The following BRF1 variants were observed in gnomAD, a reference collection of about 807,000 sequenced individuals.
BRF1 encodes the protein transcription factor IIIB 90 kDa subunit.
BRF1 carries 59 observed loss-of-function variants against 81.7 expected under a neutral mutation model. That is an observed-to-expected ratio of 0.72 (90% CI 0.59 to 0.90). BRF1 has a LOEUF of 0.90. Ranked by LOEUF, BRF1 falls within the 40% of genes least tolerant of loss-of-function variation. The probability of loss-of-function intolerance (pLI) is 0.00; values close to 1 mark genes in which losing one functional copy is unlikely to be tolerated. For missense variants in BRF1, 1,050 were observed against 936.3 expected (o/e 1.12, Z -1.58); for synonymous variants, 491 against 395.6 (o/e 1.24, Z -2.86).
intron 3 of BRF1, among the ~76,000 whole-genome samples, chr14:105,270,074 T>C (rs991266730): frequency 3.9e-5 from 6 of 152,098 alleles, no homozygotes; most frequent in African/African-American, 1.2e-4. Flanking sequence ...CGCCCTGCAG[T>C]GGGCTGCCTG....
chr14:105,304,752 G>A (rs2058133558), upstream of BRF1, among the ~76,000 whole-genome samples: 2 of 152,256 alleles, frequency 1.3e-5, no homozygotes, highest in South Asian at 2.1e-4. Flanking sequence ...ATGGAGGAAG[G>A]CAAGGAGGAG....
Position 105,221,962 on chromosome 14 carries a change from C to T in BRF1, c.1049-48G>A, listed in dbSNP as rs1462424137. ...TTAACCAGGCAGAGGGCCAGGGTGC[C>T]CGCTTTTGTGACAAAAAACAATGCT... On this transcript the variant is annotated intron_variant, in intron 10 of 17. Coordinates refer to ENST00000547530, the MANE Select transcript of BRF1 (RefSeq NM_001519.4). 4 of 1,505,784 alleles carry T rather than the reference C, an allele frequency of 2.7e-6. No homozygotes were observed. The South Asian group carries it at 3.9e-5, about 15-fold the overall frequency. 93.3% of individuals were successfully genotyped at this position (1,505,784 alleles called of 1,614,324 possible). A position where few individuals can be genotyped will look rare whatever the true frequency, so the allele number is the denominator to read the frequency against.
intron 3 of BRF1, among the ~76,000 whole-genome samples, chr14:105,261,728 T>C (rs948268858): frequency 6.6e-6 from 1 of 152,202 alleles, no homozygotes. Context: ...AAGGGCTGTG[T>C]CCACAACAGC....
At chr14:105,244,350 G>A (rs1298777237) in intron 5 of BRF1, among the ~76,000 whole-genome samples, 1 of 152,166 alleles carries the variant, frequency 6.6e-6, no homozygotes, top group South Asian at 2.1e-4. Context: ...AGGCTGAGGT[G>A]GGAGGATTGC....
At chr14:105,287,121 C>G (rs1248911273) in intron 1 of BRF1, among the ~76,000 whole-genome samples, 1 of 152,248 alleles carries the variant, frequency 6.6e-6, no homozygotes, top group South Asian at 2.1e-4. Flanking sequence ...GCTGGACACT[C>G]TACTCCGAAG....
At position 105,288,672 on chromosome 14, in the gene BRF1, C is replaced by A. The variant is rs587741034; in HGVS notation, c.185-2296G>T. On this transcript the variant is annotated intron_variant, in intron 1 of 17. Coordinates refer to ENST00000547530, the MANE Select transcript of BRF1 (RefSeq NM_001519.4). Reference sequence around the variant, plus strand: ...TTTTTGAAACAGAGTTTCGCTCTGTCACCCAGGCTGGAGTGCAGTGGCGTG... The same window carrying A: ...TTTTTGAAACAGAGTTTCGCTCTGTAACCCAGGCTGGAGTGCAGTGGCGTG... Among the ~76,000 whole-genome samples, 7 of 143,986 alleles carry A rather than the reference C, an allele frequency of 4.9e-5. No homozygotes were observed. In the South Asian group the frequency reaches 1.6e-3, roughly 34 times the overall value. The allele number at this position is 143,986 out of a possible 152,430, so 94.5% of individuals were successfully genotyped here.
intron 2 of BRF1, among the ~76,000 whole-genome samples, chr14:105,273,431 C>G (rs587638485): frequency 1.3e-5 from 2 of 152,206 alleles, no homozygotes; most frequent in Admixed American, 6.5e-5. Context: ...GCCAGGCTAG[C>G]GCCATCCCCT....
chr14:105,226,377 C>T (rs2141560122), intron 8 of BRF1, 87 bp from the exon 9 acceptor site: 1 of 1,568,370 alleles, frequency 6.4e-7, no homozygotes, highest in East Asian at 2.2e-5. Flanking sequence ...CCCCAGGGAC[C>T]ACAGGCTGCT....
chr14:105,249,866 G>A (rs1436248879), intron 5 of BRF1: 2 of 1,612,560 alleles, frequency 1.2e-6, no homozygotes, highest in Non-Finnish European at 1.7e-6. Context: ...GGCCGAGATG[G>A]CCCTACGGTC....
chr14:105,223,340 A>G (rs1191400192), intron 10 of BRF1, among the ~76,000 whole-genome samples: 3 of 109,574 alleles, frequency 2.7e-5, no homozygotes, highest in Non-Finnish European at 5.4e-5. Context: ...CAAACGTGCA[A>G]TGTCCTCTAA....
chr14:105,311,685 G>C (rs1473350136), intron 1 of BRF1, among the ~76,000 whole-genome samples: 4 of 152,148 alleles, frequency 2.6e-5, no homozygotes, highest in African/African-American at 9.7e-5. Context: ...CTCAGCAGTT[G>C]AGCTGCTCTA....
chr14:105,258,112 G>A (rs2055971243), intron 3 of BRF1, among the ~76,000 whole-genome samples: 1 of 152,210 alleles, frequency 6.6e-6, no homozygotes, highest in Non-Finnish European at 1.5e-5. Flanking sequence ...TAATAACATA[G>A]GGAAATTGGG....
At chr14:105,266,070 CA>C (rs140981666) in intron 3 of BRF1, among the ~76,000 whole-genome samples, 1 of 147,752 alleles carries the variant, frequency 6.8e-6, no homozygotes, top group Non-Finnish European at 1.5e-5. Context: ...GACTCTGTCT[CA>C]AAAAAAAACA....
At chr14:105,221,982 A>G in intron 10 of BRF1, 68 bp from the exon 11 acceptor site, 1 of 1,487,984 alleles carries the variant, frequency 6.7e-7, no homozygotes, top group East Asian at 2.5e-5. Context: ...GACAAAAAAC[A>G]ATGCTACCAA....
chr14:105,250,775 C>T lies in BRF1; in HGVS notation c.544+1732G>A, dbSNP rs997471783. On this transcript the variant is annotated intron_variant, in intron 5 of 17. Coordinates refer to ENST00000547530, the MANE Select transcript of BRF1 (RefSeq NM_001519.4). ...AAAGGCTGCTCTTAACTTTGTCTCTCTTTGACATGTAGTCAGCTGAAGCTT... is the reference window on the plus strand; with the variant it reads ...AAAGGCTGCTCTTAACTTTGTCTCTTTTTGACATGTAGTCAGCTGAAGCTT... 4.9e-6 allele frequency: 6 copies of T among 1,221,720 alleles called. No individual in the cohort carries two copies. In the African/African-American group the frequency reaches 9.1e-5, roughly 19 times the overall value. 75.7% of individuals were successfully genotyped at this position (1,221,720 alleles called of 1,614,324 possible).
chr14:105,241,169 C>T (rs1202587709), intron 6 of BRF1, 96 bp downstream of exon 6: 6 of 1,543,122 alleles, frequency 3.9e-6, no homozygotes, highest in Middle Eastern at 2.4e-4. Context: ...CAGTGCTCTG[C>T]AAACATACGG....
At chr14:105,314,314 G>C (rs2058451452) in intron 1 of BRF1, 1 of 152,046 alleles carries the variant, frequency 6.6e-6, no homozygotes, top group Non-Finnish European at 1.5e-5. Context: ...GTGGAGGCGG[G>C]AAAGTGTCGA....
intron 10 of BRF1, among the ~76,000 whole-genome samples, chr14:105,224,513 T>C (rs1470878902): frequency 1.3e-5 from 2 of 152,234 alleles, no homozygotes; most frequent in Non-Finnish European, 2.9e-5. Flanking sequence ...CCTTTAAGGT[T>C]GGCAAAACTC....
chr14:105,304,107 G>A (rs1566882244), upstream of BRF1, among the ~76,000 whole-genome samples: 1 of 152,232 alleles, frequency 6.6e-6, no homozygotes, highest in Non-Finnish European at 1.5e-5. Context: ...GGACAGTCAG[G>A]CAGTACAGGA....
Sources: gnomAD v4.1 joint callset for allele counts (sites outside exome capture counted in the v4.1 genomes callset) on GRCh38, gnomAD v4.1.1 for gene constraint, MANE v1.5 for transcripts, NCBI Gene and HGNC (gene_info 2026-07-23, HGNC 2026-07-21) for gene names.